The following RXFP1 variants were observed in gnomAD, a reference collection of about 807,000 sequenced individuals.
The protein encoded by RXFP1 is relaxin receptor 1.
A neutral mutation model predicts 89.8 loss-of-function variants in RXFP1; 73 were observed. That is an observed-to-expected ratio of 0.81 (90% CI 0.67 to 0.99). The LOEUF is 0.99. Among genes scored for constraint, RXFP1 ranks in the 50% least tolerant of loss-of-function variants. RXFP1 has a pLI of 0.00. For synonymous variants in RXFP1, 277 were observed against 305.5 expected (o/e 0.91, Z 0.97); for missense variants, 793 against 895.5 (o/e 0.89, Z 1.46).
chr4:158,584,207 G>T (rs1422486789), intron 2 of RXFP1, among the ~76,000 whole-genome samples: 1 of 152,112 alleles, frequency 6.6e-6, no homozygotes, highest in East Asian at 1.9e-4. Flanking sequence ...GGCCGAGGTG[G>T]GTGGATCACA....
chr4:158,568,355 T>C (rs1754230295), intron 1 of RXFP1, among the ~76,000 whole-genome samples: 1 of 152,150 alleles, frequency 6.6e-6, no homozygotes, highest in African/African-American at 2.4e-5. Context: ...AAAAAGATAA[T>C]ATTCAGAAAA....
At chr4:158,612,390 C>A in intron 8 of RXFP1, 28 bp downstream of exon 8, 1 of 1,439,886 alleles carries the variant, frequency 6.9e-7, no homozygotes, top group Non-Finnish European at 9.6e-7. Context: ...GCAAATATTT[C>A]AATCAAAGGC....
chr4:158,580,416 T>C (rs1181242820), intron 2 of RXFP1, among the ~76,000 whole-genome samples: 2 of 152,190 alleles, frequency 1.3e-5, no homozygotes, highest in Non-Finnish European at 2.9e-5. Flanking sequence ...AGAAAAAATG[T>C]TTAAATGTAC....
At chr4:158,622,998 T>C (rs192321498) in intron 9 of RXFP1, among the ~76,000 whole-genome samples, 2 of 152,304 alleles carry the variant, frequency 1.3e-5, no homozygotes, top group Non-Finnish European at 2.9e-5. Context: ...TGTCATGTAA[T>C]TGCAAACAAA....
chr4:158,605,434 CT>C (rs1762391032), intron 5 of RXFP1, among the ~76,000 whole-genome samples: 1 of 152,176 alleles, frequency 6.6e-6, no homozygotes, highest in Non-Finnish European at 1.5e-5. Context: ...CTTTTATCCT[CT>C]GCGTTATTCT....
intron 1 of RXFP1, among the ~76,000 whole-genome samples, chr4:158,546,517 C>T (rs1748458506): frequency 6.6e-6 from 1 of 152,174 alleles, no homozygotes; most frequent in African/African-American, 2.4e-5. Context: ...GAGGGCATCC[C>T]TGTCTTGTGC....
chr4:158,622,470 A>G (rs1179695283), intron 9 of RXFP1, among the ~76,000 whole-genome samples: 1 of 152,230 alleles, frequency 6.6e-6, no homozygotes, highest in African/African-American at 2.4e-5. Flanking sequence ...AGTCAACCTT[A>G]GTGTCCAATG....
intron 1 of RXFP1, among the ~76,000 whole-genome samples, chr4:158,523,285 T>G (rs1452284663): frequency 6.6e-6 from 1 of 152,214 alleles, no homozygotes; most frequent in Non-Finnish European, 1.5e-5. Flanking sequence ...CCCTATTCCA[T>G]TTCAATGAAA....
At chr4:158,605,636 T>C (rs1205141640) in intron 5 of RXFP1, among the ~76,000 whole-genome samples, 1 of 152,226 alleles carries the variant, frequency 6.6e-6, no homozygotes, top group African/African-American at 2.4e-5. Context: ...CACATCTGCC[T>C]TGTGAGTTGC....
chr4:158,596,243 ATTG>A (rs1760564760), intron 3 of RXFP1, among the ~76,000 whole-genome samples: 1 of 148,962 alleles, frequency 6.7e-6, no homozygotes, highest in African/African-American at 2.4e-5. Context: ...TTTATCATAT[ATTG>A]TTTTCTTTTT....
At chr4:158,547,343 C>A (rs1748729287) in intron 1 of RXFP1, among the ~76,000 whole-genome samples, 1 of 151,926 alleles carries the variant, frequency 6.6e-6, no homozygotes, top group African/African-American at 2.4e-5. Flanking sequence ...TCTGTCTTTT[C>A]TTCTTTATTA....
At chr4:158,633,642 T>C (rs1207379733) in intron 12 of RXFP1, among the ~76,000 whole-genome samples, 166 bp downstream of exon 12, 1 of 152,182 alleles carries the variant, frequency 6.6e-6, no homozygotes, top group Non-Finnish European at 1.5e-5. Context: ...CCAGAAGTTT[T>C]TCATGTTGCA....
At chr4:158,614,617 G>T (rs549632706) in intron 8 of RXFP1, among the ~76,000 whole-genome samples, 2 of 152,296 alleles carry the variant, frequency 1.3e-5, no homozygotes, top group East Asian at 3.9e-4. Flanking sequence ...GTTAGGCCTT[G>T]CTCTGGATTA....
At chr4:158,650,646 T>C (rs901602676) in intron 17 of RXFP1, among the ~76,000 whole-genome samples, 26 of 152,010 alleles carry the variant, frequency 1.7e-4, no homozygotes, top group African/African-American at 6.0e-4. Context: ...GGCATGCACT[T>C]GTAGTCCCAG....
intron 4 of RXFP1, among the ~76,000 whole-genome samples, chr4:158,603,483 T>A (rs569060161): frequency 1.3e-5 from 2 of 152,358 alleles, no homozygotes; most frequent in Non-Finnish European, 2.9e-5. Context: ...GTCTGATATG[T>A]GTAGTCTAGA....
chr4:158,647,658 C>T (rs1580336523), intron 16 of RXFP1, among the ~76,000 whole-genome samples: 1 of 152,120 alleles, frequency 6.6e-6, no homozygotes, highest in East Asian at 1.9e-4. Flanking sequence ...CACTTGAGGC[C>T]AGGAGTTGAG....
chr4:158,632,041 G>A (rs1220042584), intron 11 of RXFP1, among the ~76,000 whole-genome samples: 6 of 152,148 alleles, frequency 3.9e-5, no homozygotes, highest in East Asian at 1.9e-4. Flanking sequence ...GCAGTGAGCC[G>A]TTTGTGCCAC....
At chr4:158,608,676 T>G (rs1762993661) in intron 6 of RXFP1, among the ~76,000 whole-genome samples, 1 of 152,158 alleles carries the variant, frequency 6.6e-6, no homozygotes, top group African/African-American at 2.4e-5. Context: ...TCAGTGGCAT[T>G]AAGTACATTG....
chr4:158,568,507 A>T (rs1312962103), intron 1 of RXFP1, among the ~76,000 whole-genome samples: 2 of 152,248 alleles, frequency 1.3e-5, no homozygotes, highest in Non-Finnish European at 2.9e-5. Context: ...AAGTGTTCTT[A>T]AAAAATTAAT....
Sources: allele counts gnomAD v4.1 joint callset (sites outside exome capture counted in the v4.1 genomes callset), GRCh38; gene constraint gnomAD v4.1.1; transcripts MANE v1.5; gene names NCBI Gene and HGNC (gene_info 2026-07-23, HGNC 2026-07-21).